Variants in IL16 observed in about 807,000 individuals in gnomAD.
The protein encoded by IL16 is pro-interleukin-16.
IL16 carries 67 observed loss-of-function variants against 110.1 expected under a neutral mutation model. The ratio of observed to expected loss-of-function variants is 0.61; its 90% confidence interval spans 0.50 to 0.75. The LOEUF (loss-of-function observed/expected upper bound fraction) is 0.75, where lower values mean the gene tolerates loss of function less well. Ranked by LOEUF, IL16 falls within the 30% of genes least tolerant of loss-of-function variation. IL16 has a pLI of 0.00. For synonymous variants in IL16, 689 were observed against 662.9 expected (o/e 1.04, Z -0.61); for missense variants, 1,545 against 1,655.0 (o/e 0.93, Z 1.15).
intron 1 of IL16, among the ~76,000 whole-genome samples, chr15:81,185,961 T>C (rs1390167314): frequency 6.6e-6 from 1 of 152,232 alleles, no homozygotes; most frequent in Non-Finnish European, 1.5e-5. Context: ...CAGTCTGTTT[T>C]TCTTGCAGCA....
intron 6 of IL16, among the ~76,000 whole-genome samples, chr15:81,274,775 A>C (rs1898819639): frequency 1.3e-5 from 2 of 152,246 alleles, no homozygotes; most frequent in South Asian, 4.1e-4. Context: ...TAAAACTTTT[A>C]CCATCTGGGT....
chr15:81,184,376 C>T (rs1895387966), intron 1 of IL16, among the ~76,000 whole-genome samples: 1 of 152,178 alleles, frequency 6.6e-6, no homozygotes, highest in Non-Finnish European at 1.5e-5. Flanking sequence ...GTGAGGGAGA[C>T]AGAACCAGAC....
chr15:81,265,291 C>G (rs1436322146), intron 3 of IL16, among the ~76,000 whole-genome samples: 1 of 152,178 alleles, frequency 6.6e-6, no homozygotes, highest in African/African-American at 2.4e-5. Context: ...TGTTTTCCTC[C>G]TTTCTCTCCT....
chr15:81,229,199 A>G lies in IL16; in HGVS notation c.312+3488A>G, dbSNP rs1595970657. 2.6e-5 allele frequency among the ~76,000 whole-genome samples: 4 copies of G among 152,164 alleles called. No individual in the cohort carries two copies. In the East Asian group the frequency reaches 7.7e-4, roughly 29 times the overall value. On this transcript the variant is annotated intron_variant, in intron 2 of 18. Coordinates refer to ENST00000683961, the MANE Select transcript of IL16 (RefSeq NM_172217.5). Reference sequence around the variant, plus strand: ...AATGAGGGAGACAGGGACAAACTGGATCATTCTTATTTCTGATGTGGCCAA... The same window carrying G: ...AATGAGGGAGACAGGGACAAACTGGGTCATTCTTATTTCTGATGTGGCCAA...
intron 2 of IL16, among the ~76,000 whole-genome samples, chr15:81,227,262 A>G (rs1323672697): frequency 1.3e-5 from 2 of 152,204 alleles, no homozygotes; most frequent in African/African-American, 2.4e-5. Context: ...AACTTGATAT[A>G]TAATATAATA....
chr15:81,244,439 T>C (rs962987599), intron 2 of IL16, among the ~76,000 whole-genome samples: 3 of 152,116 alleles, frequency 2.0e-5, no homozygotes, highest in Non-Finnish European at 2.9e-5. Flanking sequence ...CTCTTTCATT[T>C]CAGAAAAAAA....
chr15:81,238,023 C>T (rs910225301), intron 2 of IL16, among the ~76,000 whole-genome samples: 1 of 152,116 alleles, frequency 6.6e-6, no homozygotes, highest in African/African-American at 2.4e-5. Flanking sequence ...TCTGCCTCAG[C>T]CTTCCGAGTA....
intron 2 of IL16, among the ~76,000 whole-genome samples, chr15:81,246,500 T>G (rs2142123914): frequency 6.6e-6 from 1 of 152,356 alleles, no homozygotes; most frequent in East Asian, 1.9e-4. Flanking sequence ...TATTTTCCAG[T>G]GTTCAACAAA....
intron 4 of IL16, among the ~76,000 whole-genome samples, chr15:81,268,260 A>G (rs1898479763): frequency 6.6e-6 from 1 of 152,260 alleles, no homozygotes; most frequent in African/African-American, 2.4e-5. Context: ...CTCGTTATCC[A>G]GGGAATGCTA....
At chr15:81,235,399 G>T (rs1284174330) in intron 2 of IL16, among the ~76,000 whole-genome samples, 2 of 152,152 alleles carry the variant, frequency 1.3e-5, no homozygotes, top group Non-Finnish European at 2.9e-5. Context: ...GGGAGCAAGA[G>T]AGAGAGAGGA....
chr15:81,202,797 G>A (rs1357786678), intron 1 of IL16, among the ~76,000 whole-genome samples: 1 of 152,184 alleles, frequency 6.6e-6, no homozygotes, highest in Non-Finnish European at 1.5e-5. Context: ...GTGTGCATGT[G>A]TCTTTATAGC....
chr15:81,201,506 C>G (rs554602350), intron 1 of IL16, among the ~76,000 whole-genome samples: 3 of 152,170 alleles, frequency 2.0e-5, no homozygotes, highest in Non-Finnish European at 4.4e-5. Context: ...TGTTCATCCA[C>G]GAACAACTTT....
At chr15:81,255,773 G>A (rs1413868711) in intron 2 of IL16, among the ~76,000 whole-genome samples, 1 of 152,138 alleles carries the variant, frequency 6.6e-6, no homozygotes, top group Non-Finnish European at 1.5e-5. Flanking sequence ...AATCTGGGTG[G>A]GCGGGGCAGG....
At chr15:81,220,983 G>A (rs769781164) in intron 1 of IL16, among the ~76,000 whole-genome samples, 2 of 152,144 alleles carry the variant, frequency 1.3e-5, no homozygotes, top group Middle Eastern at 3.4e-3. Context: ...TGACAGCTCT[G>A]CCATGGTAAA....
At chr15:81,289,860 G>A (rs555947741) in intron 10 of IL16, 182 of 430,024 alleles carry the variant, frequency 4.2e-4, no homozygotes, top group Non-Finnish European at 1.4e-4. Context: ...TAAAAAACCT[G>A]TCCTCATTTT....
At chr15:81,247,573 C>A (rs563974495) in intron 2 of IL16, among the ~76,000 whole-genome samples, 1 of 152,290 alleles carries the variant, frequency 6.6e-6, no homozygotes, top group South Asian at 2.1e-4. Context: ...GTACCCTTCA[C>A]CCAGTTTTCC....
At chr15:81,306,217 C>A (rs1489395664) in intron 17 of IL16, 51 bp downstream of exon 17, 2 of 1,586,900 alleles carry the variant, frequency 1.3e-6, no homozygotes, top group African/African-American at 2.7e-5. Flanking sequence ...CCTCTTTGGC[C>A]ATTTGGGGCC....
At chr15:81,249,145 T>C (rs1188709433) in intron 2 of IL16, among the ~76,000 whole-genome samples, 1 of 152,220 alleles carries the variant, frequency 6.6e-6, no homozygotes, top group African/African-American at 2.4e-5. Flanking sequence ...AACCATTGAA[T>C]ATTTTCACCC....
rs376860247 is a variant in IL16, at chr15:81,299,730, C to G, written c.2404C>G (p.Arg802Gly). Reference sequence around the variant, plus strand: ...CCAAAGCTTGAAAGGTTTGAGGAATCGTGCTTCAGACCCAAGAGGGCTCCC... The same window carrying G: ...CCAAAGCTTGAAAGGTTTGAGGAATGGTGCTTCAGACCCAAGAGGGCTCCC... ...FRQSLKGLRN[R>G]ASDPRGLPDP... is the part of the protein sequence containing the mutation. Residue 802 changes from arginine (R) to glycine (G), a missense_variant, in exon 14 of 19, where the codon CGT becomes GGT. Coordinates refer to ENST00000683961, the MANE Select transcript of IL16 (RefSeq NM_172217.5). 1.2e-5 allele frequency: 19 copies of G among 1,614,200 alleles called. No homozygotes were observed. The highest frequency in any genetic ancestry group is 1.6e-5 in the Non-Finnish European group (19 of 1,180,036).
Sources: allele counts gnomAD v4.1 joint callset (sites outside exome capture counted in the v4.1 genomes callset), GRCh38; gene constraint gnomAD v4.1.1; transcripts MANE v1.5; gene names NCBI Gene and HGNC (gene_info 2026-07-23, HGNC 2026-07-21).